Variants in SUGT1 observed in about 807,000 individuals in gnomAD.
SUGT1 encodes protein SGT1 homolog.
Under a neutral mutation model 56.1 loss-of-function variants are expected in SUGT1, and 15 were observed. The ratio of observed to expected loss-of-function variants is 0.27; its 90% CI spans 0.18 to 0.41. The LOEUF is 0.41. Among genes scored for constraint, SUGT1 ranks in the 10% least tolerant of loss-of-function variants. The pLI, the probability that SUGT1 is intolerant of heterozygous loss-of-function variation, is 1.00. For synonymous variants in SUGT1, 123 were observed against 128.6 expected, an observed-to-expected ratio of 0.96 and a Z score of 0.30; for missense variants, 347 against 382.2, an observed-to-expected ratio of 0.91 and a Z score of 0.77.
chr13:52,668,096 C>T (rs911774157), intron 10 of SUGT1, among the ~76,000 whole-genome samples: 5 of 151,996 alleles, frequency 3.3e-5, no homozygotes, highest in Non-Finnish European at 5.9e-5. Flanking sequence ...GATTCTCCTG[C>T]CTCAGCCTCC....
At position 52,680,018 on chromosome 13, in the gene SUGT1, T is replaced by A. The variant is rs1171484531; in HGVS notation, c.763T>A (p.Trp255Arg). ...ATCATCATCTCCTTATACAAGAAAT[T>A]GGGATAAATTGGTTGGTGAGATCAA... is the stretch of plus-strand genomic sequence containing the variant. ...YPSSSPYTRN[W>R]DKLVGEIKEE... Residue 255 changes from tryptophan (W) to arginine (R), a missense_variant, in exon 12 of 13, where the codon TGG becomes AGG. Trp to Arg is a moderately radical substitution (Grantham distance 101, BLOSUM62 -3). Coordinates refer to ENST00000310528, the MANE Select transcript of SUGT1 (RefSeq NM_006704.5). The A allele has an allele frequency of 6.2e-7, 1 of 1,601,464 alleles. No individual in the cohort carries two copies. Among genetic ancestry groups the A allele is most frequent in the Admixed American group, 1.8e-5 (1 of 55,976 alleles).
intron 3 of SUGT1, 93 bp from the exon 4 acceptor site, chr13:52,658,306 T>C: frequency 6.4e-7 from 1 of 1,573,758 alleles, no homozygotes; most frequent in Non-Finnish European, 8.6e-7. Context: ...TCTACCAACT[T>C]GAAAACTTAG....
At chr13:52,673,061 A>C (rs1352220145) in intron 10 of SUGT1, among the ~76,000 whole-genome samples, 1 of 152,192 alleles carries the variant, frequency 6.6e-6, no homozygotes, top group Non-Finnish European at 1.5e-5. Context: ...ACTTAAATGA[A>C]AATAGAATGG....
chr13:52,668,748 A>G (rs964172698), intron 10 of SUGT1, among the ~76,000 whole-genome samples: 1 of 150,948 alleles, frequency 6.6e-6, no homozygotes, highest in Admixed American at 6.6e-5. Context: ...TTTTTGGTAT[A>G]TGTCTATCGA....
chr13:52,674,134 AGCCTCC>A lies in SUGT1; in HGVS notation c.628-2089_628-2084del, dbSNP rs200875330. 2.3e-4 allele frequency among the ~76,000 whole-genome samples: 32 copies of A among 136,188 alleles called. No homozygotes were observed. The East Asian group carries it at 5.7e-3, about 24-fold the overall frequency. 89.3% of individuals were successfully genotyped at this position (136,188 alleles called of 152,430 possible). A position where few individuals can be genotyped will look rare whatever the true frequency, so the allele number is the denominator to read the frequency against. On this transcript the variant is annotated intron_variant, in intron 10 of 12. Transcript: ENST00000310528. ...CAGTGGCACGATCTTGGCTCACTGC[AGCCTCC>A]GCCTCCCAGATTCAAGCAATTCTGT...
At chr13:52,673,674 A>G (rs1963029349) in intron 10 of SUGT1, among the ~76,000 whole-genome samples, 1 of 152,238 alleles carries the variant, frequency 6.6e-6, no homozygotes, top group Admixed American at 6.5e-5. Context: ...CAGTATGTTC[A>G]TAGTTACAGG....
chr13:52,696,413 G>T lies in SUGT1; in HGVS notation c.*8578G>T, dbSNP rs1209259067. Reference sequence around the variant, plus strand: ...CATGGTGTCACATGTTATAGGGTTAGTTGCGGCTGTGTCTGTTTTACCTTG... The same window carrying T: ...CATGGTGTCACATGTTATAGGGTTATTTGCGGCTGTGTCTGTTTTACCTTG... On this transcript the variant is annotated 3_prime_UTR_variant, in exon 13 of 13. Transcript: ENST00000310528. 7 of 152,126 alleles carry T rather than the reference G, an allele frequency of 4.6e-5. No individual in the cohort carries two copies. Among genetic ancestry groups the T allele is most frequent in the African/African-American group, 1.7e-4 (7 of 41,418 alleles). The allele number at this position is 152,126 out of a possible 1,614,324, so 9.4% of individuals were successfully genotyped here. A position where few individuals can be genotyped will look rare whatever the true frequency, so the allele number is the denominator to read the frequency against.
chr13:52,685,190 C>T (rs1338414844), intron 12 of SUGT1, among the ~76,000 whole-genome samples: 15 of 151,568 alleles, frequency 9.9e-5, no homozygotes, highest in Non-Finnish European at 1.5e-5. Flanking sequence ...CCTGAGCCTC[C>T]TAAGTAGCTT....
chr13:52,672,698 T>C (rs1363158332), intron 10 of SUGT1, among the ~76,000 whole-genome samples: 1 of 152,220 alleles, frequency 6.6e-6, no homozygotes, highest in East Asian at 1.9e-4. Flanking sequence ...CCCAGCTCTT[T>C]AGTCTCTGGG....
intron 2 of SUGT1, 43 bp downstream of exon 2, chr13:52,653,146 G>A: frequency 6.2e-7 from 1 of 1,612,634 alleles, no homozygotes; most frequent in Non-Finnish European, 8.5e-7. Flanking sequence ...TCTTAGGGGA[G>A]CTGGGCCACT....
chr13:52,668,465 G>A (rs1462084944), intron 10 of SUGT1, among the ~76,000 whole-genome samples: 2 of 152,308 alleles, frequency 1.3e-5, no homozygotes, highest in East Asian at 3.9e-4. Flanking sequence ...AAAGTGTAAA[G>A]TGAAGTAGTT....
chr13:52,680,077 T>G lies in SUGT1; in HGVS notation c.822T>G (p.Asp274Glu). 6.3e-7 allele frequency: 1 copy of G among 1,597,382 alleles called. No individual in the cohort carries two copies. The highest frequency in any genetic ancestry group is 8.5e-7 in the Non-Finnish European group (1 of 1,175,624). Residue 274 changes from aspartate to glutamate, a missense_variant, in exon 12 of 13, where the codon GAT becomes GAG. Physicochemically the swap from Asp to Glu is conservative, Grantham distance 45. Coordinates refer to ENST00000310528, the MANE Select transcript of SUGT1 (RefSeq NM_006704.5). ...AAAAGAATGAAAAGTTGGAGGGAGA[T>G]GCAGCTTTAAACAGATTATTTCAGC... ...EEEKNEKLEG[D>E]AALNRLFQQI... is the part of the protein sequence containing the mutation.
chr13:52,662,539 ACTCC>A, intron 5 of SUGT1, 106 bp from the exon 6 acceptor site: 11 of 1,021,114 alleles, frequency 1.1e-5, no homozygotes, highest in South Asian at 8.3e-5. Flanking sequence ...TTCGCTGCCG[ACTCC>A]CCAGTGCCTA....
At chr13:52,658,852 T>G (rs1257839802) in intron 4 of SUGT1, among the ~76,000 whole-genome samples, 8 of 151,964 alleles carry the variant, frequency 5.3e-5, no homozygotes, top group Admixed American at 4.6e-4. Context: ...GCGCTATATC[T>G]GTATACTTTA....
Position 52,686,495 on chromosome 13 carries a change from GAA to G in SUGT1, c.901-1237_901-1236del, listed in dbSNP as rs1963594707. On this transcript the variant is annotated intron_variant, in intron 12 of 12. Transcript: ENST00000310528. ...CAGAAGACAAATTTACAGGAATAGA[GAA>G]ATAAGAGGTCAGAGAAAGCCACATA... 2.0e-5 allele frequency among the ~76,000 whole-genome samples: 3 copies of G among 152,100 alleles called. No individual in the cohort carries two copies. The South Asian group carries it at 6.2e-4, about 32-fold the overall frequency.
chr13:52,666,333 T>G (rs1003189017), intron 9 of SUGT1, among the ~76,000 whole-genome samples: 1 of 152,206 alleles, frequency 6.6e-6, no homozygotes, highest in Non-Finnish European at 1.5e-5. Flanking sequence ...CATCTCAGCC[T>G]CCCAAAGTGC....
intron 8 of SUGT1, among the ~76,000 whole-genome samples, chr13:52,665,340 T>G (rs1962650967): frequency 6.6e-6 from 1 of 152,214 alleles, no homozygotes; most frequent in Admixed American, 6.5e-5. Flanking sequence ...AAATGACATC[T>G]TTAATATTTA....
At chr13:52,679,162 C>T (rs749200347) in intron 11 of SUGT1, among the ~76,000 whole-genome samples, 9 of 152,166 alleles carry the variant, frequency 5.9e-5, no homozygotes, top group Non-Finnish European at 1.0e-4. Flanking sequence ...AACAGAGCTG[C>T]TCCTATAGCT....
At chr13:52,679,469 ATTAT>A (rs1002425850) in intron 11 of SUGT1, among the ~76,000 whole-genome samples, 36 of 152,288 alleles carry the variant, frequency 2.4e-4, no homozygotes, top group African/African-American at 8.4e-4. Context: ...GGCATGGATG[ATTAT>A]TTATATTTTC....
Sources: gnomAD v4.1 joint callset for allele counts (sites outside exome capture counted in the v4.1 genomes callset) on GRCh38, gnomAD v4.1.1 for gene constraint, MANE v1.5 for transcripts, NCBI Gene and HGNC (gene_info 2026-07-23, HGNC 2026-07-21) for gene names.